The following ANKRD11 variants were observed in gnomAD, a reference collection of about 807,000 sequenced individuals.
The protein encoded by ANKRD11 is ankyrin repeat domain-containing protein 11.
A neutral mutation model predicts 195.7 loss-of-function variants in ANKRD11; 17 were observed. That is an observed-to-expected ratio of 0.09 (90% CI 0.06 to 0.13). The LOEUF (loss-of-function observed/expected upper bound fraction) is 0.13, where lower values mean the gene tolerates loss of function less well. Ranked by LOEUF, ANKRD11 falls within the 10% of genes least tolerant of loss-of-function variation. The probability of loss-of-function intolerance (pLI) is 1.00; values close to 1 mark genes in which losing one functional copy is unlikely to be tolerated. For missense variants in ANKRD11, 3,735 were observed against 3,566.1 expected (o/e 1.05, Z -1.21); for synonymous variants, 1,953 against 1,528.1 (o/e 1.28, Z -6.49).
intron 1 of ANKRD11, among the ~76,000 whole-genome samples, chr16:89,453,228 C>T (rs1326904955): frequency 1.3e-5 from 2 of 152,180 alleles, no homozygotes; most frequent in Non-Finnish European, 2.9e-5. Context: ...TAGATACTCA[C>T]TACTTCTCTG....
At chr16:89,460,650 T>A (rs1344490055) in intron 1 of ANKRD11, among the ~76,000 whole-genome samples, 1 of 152,034 alleles carries the variant, frequency 6.6e-6, no homozygotes, top group Admixed American at 6.5e-5. Context: ...AGCAGGCGGG[T>A]TGTTTGAGCC....
At chr16:89,473,392 A>G (rs2057153970) in intron 1 of ANKRD11, among the ~76,000 whole-genome samples, 1 of 152,170 alleles carries the variant, frequency 6.6e-6, no homozygotes, top group Non-Finnish European at 1.5e-5. Flanking sequence ...CCAGGCCCTG[A>G]CCAGCTGCTT....
rs770325167 is a variant in ANKRD11 at position 89,280,088 on chromosome 16, C to T, written c.6454G>A (p.Glu2152Lys). 3.7e-6 allele frequency: 6 copies of T among 1,613,098 alleles called. No homozygotes were observed. Among genetic ancestry groups the T allele is most frequent in the African/African-American group, 2.7e-5 (2 of 74,948 alleles). ...PLQTKDAADG[E>K]AEPVEESLAP... ...AGACTTTCTTCCACGGGTTCCGCTT[C>T]ACCATCTGCGGCATCTTTAGTCTGC... Residue 2152 changes from glutamate (E) to lysine (K), a missense_variant, in exon 9 of 13, where the codon GAA becomes AAA. Glu to Lys is a moderately conservative substitution (Grantham distance 56). Coordinates refer to ENST00000301030, the MANE Select transcript of ANKRD11 (RefSeq NM_013275.6).
At position 89,398,433 on chromosome 16, in the gene ANKRD11, G is replaced by A. The variant is rs138715027; in HGVS notation, c.-60+19851C>T. 5.8e-4 allele frequency among the ~76,000 whole-genome samples: 76 copies of A among 131,648 alleles called. 4 individuals are homozygous for A. The highest frequency in any genetic ancestry group is 2.4e-3 in the African/African-American group (74 of 30,292). The allele number at this position is 131,648 out of a possible 152,430, so 86.4% of individuals were successfully genotyped here. A position where few individuals can be genotyped will look rare whatever the true frequency, so the allele number is the denominator to read the frequency against. ...AGCACTCTGGGAGGCTGACAAGAGGGACACTGTGAAACAGCTGAAGATTAC... is the reference window on the plus strand; with the variant it reads ...AGCACTCTGGGAGGCTGACAAGAGGAACACTGTGAAACAGCTGAAGATTAC... On this transcript the variant is annotated intron_variant, in intron 2 of 12. Transcript: ENST00000301030.
intron 2 of ANKRD11, among the ~76,000 whole-genome samples, chr16:89,370,052 C>T (rs913554706): frequency 6.6e-5 from 10 of 152,246 alleles, no homozygotes; most frequent in Non-Finnish European, 1.2e-4. Flanking sequence ...GAACGCAAAC[C>T]TTCTGGCTTC....
At chr16:89,438,816 A>C (rs1007410370) in intron 1 of ANKRD11, among the ~76,000 whole-genome samples, 1 of 152,102 alleles carries the variant, frequency 6.6e-6, no homozygotes, top group Non-Finnish European at 1.5e-5. Flanking sequence ...GGCCAACCAG[A>C]GCAACATGTG....
At chr16:89,460,583 A>G (rs1468587873) in intron 1 of ANKRD11, among the ~76,000 whole-genome samples, 3 of 152,042 alleles carry the variant, frequency 2.0e-5, no homozygotes, top group Admixed American at 2.0e-4. Context: ...ACAAAAATTA[A>G]ATTTGACACT....
chr16:89,393,091 G>A (rs893019761), intron 2 of ANKRD11, among the ~76,000 whole-genome samples: 1 of 151,976 alleles, frequency 6.6e-6, no homozygotes, highest in Non-Finnish European at 1.5e-5. Flanking sequence ...AGGAAACACG[G>A]TCTCCCTCCC....
chr16:89,489,958 A>T (rs1339792785), intron 1 of ANKRD11, among the ~76,000 whole-genome samples: 2 of 113,678 alleles, frequency 1.8e-5, no homozygotes, highest in Non-Finnish European at 3.8e-5. Flanking sequence ...CCGACCTCCC[A>T]GGCCCCCCCC....
rs1299333037 is a variant in ANKRD11, at chr16:89,285,260, G to A, written c.1282C>T (p.Leu428Phe). ...CCAGGCAATATCGTATGTGCCGAGA[G>A]TCTCAGCTTCTCTCCTGTCCCCACG... is the stretch of plus-strand genomic sequence containing the variant. ...VTVGTGEKLR[L>F]SAHTILPGSK... Residue 428 changes from leucine to phenylalanine, a missense_variant, in exon 9 of 13, where the codon CTC becomes TTC. Coordinates refer to ENST00000301030, the MANE Select transcript of ANKRD11 (RefSeq NM_013275.6). This position sits in a 1 kb window ranked among gnomAD's most constrained non-coding sequence, Gnocchi z 5.6. 2.5e-6 allele frequency: 4 copies of A among 1,613,802 alleles called. No individual in the cohort carries two copies. Among genetic ancestry groups the A allele is most frequent in the Non-Finnish European group, 3.4e-6 (4 of 1,180,020 alleles).
chr16:89,404,523 G>C (rs1196813059), intron 2 of ANKRD11, among the ~76,000 whole-genome samples: 1 of 152,222 alleles, frequency 6.6e-6, no homozygotes. Flanking sequence ...ACAGTTTGAA[G>C]GGTATGGGGT....
intron 2 of ANKRD11, among the ~76,000 whole-genome samples, chr16:89,405,801 C>T (rs1005053317): frequency 9.2e-5 from 14 of 152,128 alleles, no homozygotes; most frequent in Admixed American, 4.6e-4. Context: ...CTTCCCCCAG[C>T]GCTCCTCACA....
At chr16:89,468,092 C>A (rs2056946484) in intron 1 of ANKRD11, among the ~76,000 whole-genome samples, 1 of 152,104 alleles carries the variant, frequency 6.6e-6, no homozygotes, top group Non-Finnish European at 1.5e-5. Flanking sequence ...GTGTGAGCCA[C>A]CACGCCCAGA....
Position 89,282,993 on chromosome 16 carries a change from G to C in ANKRD11, c.3549C>G (p.Asp1183Glu). Residue 1183 changes from aspartate (D) to glutamate (E), a missense_variant, in exon 9 of 13, where the codon GAC (aspartate) becomes GAG (glutamate). Transcript: ENST00000301030. ...CGGCAGCCCCTCGGTCCTTTCTCCT[G>C]TCTCTGGGCTCCTTGTCCTTCTGCC... is the stretch of plus-strand genomic sequence containing the variant. ...PERQKDKEPR[D>E]RRKDRGAADA... The C allele has an allele frequency of 1.2e-6, 2 of 1,613,598 alleles. No individual in the cohort carries two copies. The highest frequency in any genetic ancestry group is 2.2e-5 in the East Asian group (1 of 44,854).
intron 2 of ANKRD11, among the ~76,000 whole-genome samples, chr16:89,401,086 TC>T: frequency 7.1e-6 from 1 of 140,420 alleles, no homozygotes; most frequent in Non-Finnish European, 1.5e-5. Flanking sequence ...TATTTCTCTC[TC>T]CCCCCCACCC....
At position 89,363,531 on chromosome 16, in the gene ANKRD11, GA is replaced by G. The variant is rs1233282701; in HGVS notation, c.-59-46454del. On this transcript the variant is annotated intron_variant, in intron 2 of 12. Coordinates refer to ENST00000301030, the MANE Select transcript of ANKRD11 (RefSeq NM_013275.6). The stretch of plus-strand genomic sequence containing the variant: ...CAAAGTTTTGAAATCTCTCAAGGGG[GA>G]AAAAAAACCTTACATAGTTCACAAT... Among the ~76,000 whole-genome samples, 12 of 151,474 alleles carry G rather than the reference GA, an allele frequency of 7.9e-5. No individual in the cohort carries two copies. The South Asian group carries it at 1.5e-3, about 18-fold the overall frequency.
In ANKRD11 at chr16:89,291,836, C is replaced by T. The variant is rs2035081886; in HGVS notation, c.227-653G>A. ...CGGTGTGAGAGCTCGGCTGTTTCCA[C>T]CTCAGCCTCCTCGTAACAAGCACAC... On this transcript the variant is annotated intron_variant, in intron 4 of 12. Transcript: ENST00000301030. The surrounding 1 kb of genome is among the most constrained non-coding windows in gnomAD (Gnocchi z 5.3). 1 of 1,177,868 alleles carries T rather than the reference C, an allele frequency of 8.5e-7. No homozygotes were observed. The highest frequency in any genetic ancestry group is 1.3e-5 in the South Asian group (1 of 78,854). The allele number at this position is 1,177,868 out of a possible 1,614,324, so 73.0% of individuals were successfully genotyped here.
At chr16:89,393,290 CT>C (rs887714190) in intron 2 of ANKRD11, among the ~76,000 whole-genome samples, 3 of 151,256 alleles carry the variant, frequency 2.0e-5, no homozygotes, top group Non-Finnish European at 2.9e-5. Context: ...TTAGTTTCCT[CT>C]TTTTTTTACT....
chr16:89,403,599 C>T (rs1444880493), intron 2 of ANKRD11: 1 of 152,176 alleles, frequency 6.6e-6, no homozygotes, highest in Non-Finnish European at 1.5e-5. Context: ...AGACCACTTA[C>T]ATAAAAGCCC....
Sources: gnomAD v4.1 joint callset for allele counts (sites outside exome capture counted in the v4.1 genomes callset) on GRCh38, gnomAD v4.1.1 for gene constraint, Gnocchi (gnomAD v3.1) non-coding constraint, MANE v1.5 for transcripts, NCBI Gene and HGNC (gene_info 2026-07-23, HGNC 2026-07-21) for gene names.